The following RAI1 variants were observed in gnomAD, a reference collection of about 807,000 sequenced individuals.
RAI1 encodes the protein retinoic acid-induced protein 1.
RAI1 carries 9 observed loss-of-function variants against 123.8 expected under a neutral mutation model. The ratio of observed to expected loss-of-function variants is 0.07; its 90% CI spans 0.04 to 0.13. The LOEUF is 0.13. Among genes scored for constraint, RAI1 ranks in the 10% least tolerant of loss-of-function variants. The pLI is 1.00. For missense variants in RAI1, 2,256 were observed against 2,545.8 expected (o/e 0.89, Z 2.45); for synonymous variants, 1,231 against 1,127.3 (o/e 1.09, Z -1.84).
At chr17:17,808,942 G>A (rs984539103) in intron 4 of RAI1, among the ~76,000 whole-genome samples, 16 of 152,216 alleles carry the variant, frequency 1.1e-4, no homozygotes, top group Non-Finnish European at 2.2e-4. Context: ...TCTTCCAGGG[G>A]CTGGGCATAC....
chr17:17,802,119 C>T (rs951132225), intron 3 of RAI1: 3 of 470,914 alleles, frequency 6.4e-6, no homozygotes, highest in African/African-American at 2.0e-5. Context: ...CAAGGGCCTT[C>T]TTGGTGTGAC....
intron 1 of RAI1, among the ~76,000 whole-genome samples, chr17:17,708,836 C>G (rs1280025917): frequency 3.3e-5 from 5 of 152,236 alleles, no homozygotes; most frequent in Admixed American, 6.5e-5. Flanking sequence ...CTTTTGTGCT[C>G]AAATGCTGCA....
chr17:17,796,148 G>A lies in RAI1; in HGVS notation c.3200G>A (p.Arg1067His). Residue 1067 changes from arginine to histidine, a missense_variant, in exon 3 of 6, where the codon CGC becomes CAC. Coordinates refer to ENST00000353383, the MANE Select transcript of RAI1 (RefSeq NM_030665.4). This position sits in a 1 kb window ranked among gnomAD's most constrained non-coding sequence, Gnocchi z 5.8. ...TRSLTALSEPRTPGPPGLTTT... is the reference protein window; with the variant it reads ...TRSLTALSEPHTPGPPGLTTT... ...TCTCTCACGGCCCTGAGTGAGCCCC[G>A]CACGCCCGGACCCCCAGGCCTGACC... 1 of 1,567,614 alleles carries A rather than the reference G, an allele frequency of 6.4e-7. No individual in the cohort carries two copies. The highest frequency in any genetic ancestry group is 8.7e-7 in the Non-Finnish European group (1 of 1,154,956).
At chr17:17,805,773 G>A (rs1025480196) in intron 4 of RAI1, among the ~76,000 whole-genome samples, 2 of 152,212 alleles carry the variant, frequency 1.3e-5, no homozygotes, top group African/African-American at 4.8e-5. Context: ...TCTGAGCAGT[G>A]TGAGCCAGAG....
intron 2 of RAI1, among the ~76,000 whole-genome samples, chr17:17,755,372 TAGG>T (rs2030396414): frequency 6.6e-6 from 1 of 152,112 alleles, no homozygotes; most frequent in Non-Finnish European, 1.5e-5. Context: ...GGCCTAGAGT[TAGG>T]AGGGCAGGGA....
At position 17,795,515 on chromosome 17, in the gene RAI1, T is replaced by G; in HGVS notation, c.2567T>G (p.Leu856Arg). 1 of 1,594,544 alleles carries G rather than the reference T, an allele frequency of 6.3e-7. No individual in the cohort carries two copies. The highest frequency in any genetic ancestry group is 8.5e-7 in the Non-Finnish European group (1 of 1,170,636). ...GCCGACTTCGGGGACCTCCCACTGC[T>G]GCCACCCACCAGCAGGAAGGAGGAC... ...STADFGDLPLLPPTSRKEDLE... is the reference protein window; with the variant it reads ...STADFGDLPLRPPTSRKEDLE... The change falls in exon 3 of 6, where the codon CTG becomes CGG. Residue 856 changes from leucine to arginine, a missense_variant. This residue lies in a region of RAI1 where 566 missense variants were observed against 616.0 expected (regional missense o/e 0.92). Coordinates refer to ENST00000353383, the MANE Select transcript of RAI1 (RefSeq NM_030665.4). This position sits in a 1 kb window ranked among gnomAD's most constrained non-coding sequence, Gnocchi z 5.9.
chr17:17,763,827 C>T (rs528384013), intron 2 of RAI1, among the ~76,000 whole-genome samples: 61 of 152,326 alleles, frequency 4.0e-4, no homozygotes, highest in African/African-American at 1.4e-3. Flanking sequence ...AAATATCAGC[C>T]CCTTCAAACA....
chr17:17,773,097 G>A (rs1327167454), intron 2 of RAI1, among the ~76,000 whole-genome samples: 1 of 145,560 alleles, frequency 6.9e-6, no homozygotes, highest in African/African-American at 2.6e-5. Flanking sequence ...GGATGGATGG[G>A]TGGGTGGGTA....
chr17:17,688,104 A>G (rs1206999127), intron 1 of RAI1, among the ~76,000 whole-genome samples: 1 of 150,716 alleles, frequency 6.6e-6, no homozygotes, highest in Non-Finnish European at 1.5e-5. Context: ...GCTTGGGGCC[A>G]TAAACAGGCT....
intron 1 of RAI1, among the ~76,000 whole-genome samples, chr17:17,697,698 G>A (rs561787588): frequency 7.9e-5 from 12 of 152,218 alleles, no homozygotes; most frequent in Non-Finnish European, 1.6e-4. Flanking sequence ...GTTGGGGTTT[G>A]TGTACATGGC....
chr17:17,790,700 A>C lies in RAI1; in HGVS notation c.-16-2233A>C, dbSNP rs372973825. Among the ~76,000 whole-genome samples the C allele has an allele frequency of 2.8e-4, 43 of 152,400 alleles. No homozygotes were observed. In the South Asian group the frequency reaches 8.3e-3, roughly 29 times the overall value. ...CAGGAAATGAGAGTGATCTGGGACT[A>C]ATAAAAGCCGAAATGTAATTTGTGC... On this transcript the variant is annotated intron_variant, in intron 2 of 5. Coordinates refer to ENST00000353383, the MANE Select transcript of RAI1 (RefSeq NM_030665.4).
intron 1 of RAI1, among the ~76,000 whole-genome samples, chr17:17,721,989 G>A (rs890543322): frequency 1.3e-5 from 2 of 152,092 alleles, no homozygotes; most frequent in African/African-American, 4.8e-5. Context: ...AGGGTTGGGG[G>A]TTAGTAGGTG....
intron 1 of RAI1, among the ~76,000 whole-genome samples, chr17:17,695,956 G>A (rs956681789): frequency 2.0e-5 from 3 of 152,174 alleles, no homozygotes; most frequent in African/African-American, 7.2e-5. Context: ...GGCTGTCCTC[G>A]CGCCTTTCTC....
chr17:17,772,763 C>G (rs1029741689), intron 2 of RAI1, among the ~76,000 whole-genome samples: 1 of 152,182 alleles, frequency 6.6e-6, no homozygotes, highest in East Asian at 1.9e-4. Flanking sequence ...CTTTCCCATG[C>G]GCTGGCACTT....
rs370372956 is a variant in RAI1, at chr17:17,733,525, A to C, written c.-17+9366A>C. Among the ~76,000 whole-genome samples the C allele has an allele frequency of 3.3e-5, 5 of 152,282 alleles. No individual in the cohort carries two copies. In the East Asian group the frequency reaches 7.7e-4, roughly 24 times the overall value. ...ACCCTCACAGCATCCCTGATAGAGC[A>C]CCATTGTGGGTGCTTTTATTCTCAT... On this transcript the variant is annotated intron_variant, in intron 2 of 5. Transcript: ENST00000353383.
At chr17:17,695,670 G>A (rs1915006805) in intron 1 of RAI1, among the ~76,000 whole-genome samples, 1 of 152,104 alleles carries the variant, frequency 6.6e-6, no homozygotes, top group African/African-American at 2.4e-5. Context: ...GAGATTACAG[G>A]CACTTACCAC....
intron 1 of RAI1, among the ~76,000 whole-genome samples, chr17:17,692,411 C>T (rs1365954871): frequency 6.6e-6 from 1 of 152,176 alleles, no homozygotes; most frequent in East Asian, 1.9e-4. Flanking sequence ...ACTATTGTGC[C>T]AGGCATTGGG....
chr17:17,761,058 A>G (rs2030676980), intron 2 of RAI1, among the ~76,000 whole-genome samples: 1 of 152,142 alleles, frequency 6.6e-6, no homozygotes, highest in Non-Finnish European at 1.5e-5. Context: ...CAGCTCATTC[A>G]CTTCCCAGCT....
chr17:17,732,032 T>C (rs888552064), intron 2 of RAI1, among the ~76,000 whole-genome samples: 2 of 151,392 alleles, frequency 1.3e-5, no homozygotes, highest in Non-Finnish European at 2.9e-5. Context: ...CCTGGAACCA[T>C]CGTGTTCAGA....
Sources: gnomAD v4.1 joint callset for allele counts (sites outside exome capture counted in the v4.1 genomes callset) on GRCh38, gnomAD v4.1.1 for gene constraint, gnomAD v4.1.1 regional missense constraint, Gnocchi (gnomAD v3.1) non-coding constraint, MANE v1.5 for transcripts, NCBI Gene and HGNC (gene_info 2026-07-23, HGNC 2026-07-21) for gene names.